The following ASB2 variants were observed in gnomAD, a reference collection of about 807,000 sequenced individuals.
ASB2 encodes the protein ankyrin repeat and SOCS box protein 2.
A neutral mutation model predicts 62.4 loss-of-function variants in ASB2; 58 were observed. The observed-to-expected ratio is 0.93, with a 90% CI of 0.75 to 1.16. ASB2 has a LOEUF of 1.16. ASB2 is among the 50% of genes most tolerant of loss of function. The pLI is 0.00. For missense variants in ASB2, 928 were observed against 887.9 expected (o/e 1.05, Z -0.57); for synonymous variants, 386 against 385.3 (o/e 1.00, Z -0.02).
At chr14:93,968,191 C>T (rs998195095) in intron 1 of ASB2, 1 of 152,212 alleles carries the variant, frequency 6.6e-6, no homozygotes, top group Non-Finnish European at 1.5e-5. Context: ...AATCCCGAAG[C>T]TAATTCCAGA....
chr14:93,937,896 T>A, intron 8 of ASB2, 45 bp from the exon 9 acceptor site: 1 of 1,552,556 alleles, frequency 6.4e-7, no homozygotes, highest in Non-Finnish European at 8.8e-7. Context: ...TCATCCCACC[T>A]GCAAGAGCCT....
Position 93,946,231 on chromosome 14 carries a change from G to A in ASB2, c.1052+1118C>T, listed in dbSNP as rs190171619. ...AAATCTCTTAACTACCAGAGTCTTCGTTTCCTGTCCTGTAAAATGAAAATC... is the reference window on the plus strand; with the variant it reads ...AAATCTCTTAACTACCAGAGTCTTCATTTCCTGTCCTGTAAAATGAAAATC... On this transcript the variant is annotated intron_variant, in intron 7 of 9. Transcript: ENST00000555019. Among the ~76,000 whole-genome samples the A allele has an allele frequency of 1.2e-3, 183 of 152,322 alleles. 3 individuals are homozygous for A. The highest frequency in any genetic ancestry group is 2.2e-3 in the Non-Finnish European group (149 of 68,026).
intron 1 of ASB2, among the ~76,000 whole-genome samples, chr14:93,974,278 G>C (rs1351400479): frequency 6.6e-6 from 1 of 151,872 alleles, no homozygotes; most frequent in Admixed American, 6.6e-5. Context: ...CTTTATTTCA[G>C]CACCACCTCC....
intron 1 of ASB2, among the ~76,000 whole-genome samples, chr14:93,974,459 C>T (rs1889852099): frequency 6.6e-6 from 1 of 152,250 alleles, no homozygotes; most frequent in Non-Finnish European, 1.5e-5. Context: ...AATGGAAGGA[C>T]ACTGGGCAGG....
At chr14:93,975,058 C>G (rs1889874665) in intron 1 of ASB2, among the ~76,000 whole-genome samples, 1 of 152,262 alleles carries the variant, frequency 6.6e-6, no homozygotes, top group Non-Finnish European at 1.5e-5. Context: ...AGGACCCGTC[C>G]AACTGTTTTG....
At chr14:93,964,682 G>T in intron 1 of ASB2, 70 bp from the exon 2 acceptor site, 1 of 721,190 alleles carries the variant, frequency 1.4e-6, no homozygotes, top group Non-Finnish European at 2.4e-6. Context: ...CCTCAGGGAA[G>T]GGTATGCATT....
Position 93,960,317 on chromosome 14 carries a change from T to C in ASB2, c.207-3447A>G, listed in dbSNP as rs550641935. ...TGTGTCATCAGGTAGTTCTGGGCCT[T>C]CACCCTCATTAGACTGTGATCTTAG... On this transcript the variant is annotated intron_variant, in intron 2 of 9. Coordinates refer to ENST00000555019, the MANE Select transcript of ASB2 (RefSeq NM_001202429.2). 3.3e-5 allele frequency among the ~76,000 whole-genome samples: 5 copies of C among 152,288 alleles called. No homozygotes were observed. In the South Asian group the frequency reaches 8.3e-4, roughly 25 times the overall value.
intron 7 of ASB2, chr14:93,944,145 T>C: frequency 2.6e-6 from 1 of 379,142 alleles, no homozygotes; most frequent in Non-Finnish European, 5.2e-6. Context: ...CGCCATCTCG[T>C]CAGGTGGGGC....
At chr14:93,950,537 G>A (rs3790055) in intron 6 of ASB2, among the ~76,000 whole-genome samples, 31,691 of 152,158 alleles carry the variant, frequency 0.21, 3,502 homozygotes, top group African/African-American at 0.3. Flanking sequence ...ATAAAAGGGG[G>A]AGGTGATCTA....
At position 93,939,147 on chromosome 14, in the gene ASB2, G is replaced by T; in HGVS notation, c.1578C>A (p.Asn526Lys). The T allele has an allele frequency of 6.4e-7, 1 of 1,572,292 alleles. No individual in the cohort carries two copies. The highest frequency in any genetic ancestry group is 8.7e-7 in the Non-Finnish European group (1 of 1,155,614). ...GCTCCTTGTCGGCCGCGGGCGCGTC[G>T]TTGAACCTGCTGGAGGGCTGCGGGG... ...PPAPQPSSRFNDAPAADKEPS... is the reference protein window; with the variant it reads ...PPAPQPSSRFKDAPAADKEPS... The change falls in exon 8 of 10, where the codon AAC (asparagine) becomes AAA (lysine). Residue 526 changes from asparagine (N) to lysine (K), a missense_variant. Asn to Lys is a moderately conservative substitution (Grantham distance 94). Transcript: ENST00000555019.
At position 93,976,444 on chromosome 14, in the gene ASB2, C is replaced by T. The variant is rs1889914644; in HGVS notation, c.-84G>A. The T allele has an allele frequency of 6.6e-6, 1 of 152,246 alleles. No homozygotes were observed. Among genetic ancestry groups the T allele is most frequent in the Admixed American group, 6.5e-5 (1 of 15,282 alleles). The allele number at this position is 152,246 out of a possible 1,614,324, so 9.4% of individuals were successfully genotyped here. On this transcript the variant is annotated 5_prime_UTR_variant, in exon 1 of 10. Transcript: ENST00000555019. ...GAAAGCATGCATTACCTGTTAGGCT[C>T]TGAAACAAGGGTACAATTCAGGGGT...
At chr14:93,953,244 G>T in intron 5 of ASB2, 108 bp downstream of exon 5, 1 of 980,930 alleles carries the variant, frequency 1.0e-6, no homozygotes, top group Non-Finnish European at 1.5e-6. Flanking sequence ...GTGCATTTGA[G>T]CAGGGCCACG....
At chr14:93,968,009 G>A (rs1265789030) in intron 1 of ASB2, among the ~76,000 whole-genome samples, 1 of 152,212 alleles carries the variant, frequency 6.6e-6, no homozygotes, top group Non-Finnish European at 1.5e-5. Context: ...CAGCTTGTAA[G>A]GGGTAACATG....
chr14:93,953,117 G>C (rs2141294548), intron 5 of ASB2, among the ~76,000 whole-genome samples: 1 of 152,328 alleles, frequency 6.6e-6, no homozygotes, highest in South Asian at 2.1e-4. Flanking sequence ...TGCACAGGTT[G>C]GACTATAGCT....
At chr14:93,963,047 G>T (rs529203048) in intron 2 of ASB2, among the ~76,000 whole-genome samples, 3 of 152,320 alleles carry the variant, frequency 2.0e-5, no homozygotes, top group African/African-American at 7.2e-5. Context: ...CCCTTTAAAA[G>T]GGGCTCCTCA....
In ASB2 at chr14:93,951,181, T is replaced by C. The variant is rs1377959403; in HGVS notation, c.698A>G (p.His233Arg). The change falls in exon 6 of 10, where the codon CAC becomes CGC. Residue 233 changes from histidine (H) to arginine (R), a missense_variant. Transcript: ENST00000555019. ...AGCGGTCCAGCCGCGGTTGCAGCGG[T>C]GGTTGGTGTCTGCATTGTGCTGCAC... ...ILVQHNADTN[H>R]RCNRGWTALH... is the part of the protein sequence containing the mutation. 1 of 1,613,596 alleles carries C rather than the reference T, an allele frequency of 6.2e-7. No homozygotes were observed. The highest frequency in any genetic ancestry group is 2.2e-5 in the East Asian group (1 of 44,878).
chr14:93,975,838 C>G (rs1048906995), intron 1 of ASB2, among the ~76,000 whole-genome samples: 1 of 152,254 alleles, frequency 6.6e-6, no homozygotes, highest in African/African-American at 2.4e-5. Context: ...CATGCATATG[C>G]GTGTGCACAC....
At chr14:93,957,916 G>A (rs1220879312) in intron 2 of ASB2, among the ~76,000 whole-genome samples, 7 of 152,122 alleles carry the variant, frequency 4.6e-5, no homozygotes, top group African/African-American at 1.7e-4. Flanking sequence ...CTTCTGGGGG[G>A]GATTGGGGAG....
chr14:93,975,349 G>A lies in ASB2; in HGVS notation c.-74+1085C>T, dbSNP rs868844180. Among the ~76,000 whole-genome samples, 11 of 152,300 alleles carry A rather than the reference G, an allele frequency of 7.2e-5. No homozygotes were observed. In the Middle Eastern group the frequency reaches 0.01, roughly 141 times the overall value. On this transcript the variant is annotated intron_variant, in intron 1 of 9. Coordinates refer to ENST00000555019, the MANE Select transcript of ASB2 (RefSeq NM_001202429.2). ...TTCCAGTGCATACCCCTGGCTTCCCGAAGAGCCACCGAAGCCAAATCTCAC... is the reference window on the plus strand; with the variant it reads ...TTCCAGTGCATACCCCTGGCTTCCCAAAGAGCCACCGAAGCCAAATCTCAC...
Sources: gnomAD v4.1 joint callset for allele counts (sites outside exome capture counted in the v4.1 genomes callset) on GRCh38, gnomAD v4.1.1 for gene constraint, MANE v1.5 for transcripts, NCBI Gene and HGNC (gene_info 2026-07-23, HGNC 2026-07-21) for gene names.